KNL1: variants seen among roughly 807,000 people sequenced by gnomAD.
KNL1 encodes the protein kinetochore scaffold 1, also known as outer kinetochore KNL1 complex subunit KNL1.
A neutral mutation model predicts 201.3 loss-of-function variants in KNL1; 66 were observed. That is an observed-to-expected ratio of 0.33 (90% CI 0.27 to 0.40). KNL1 has a LOEUF of 0.40. KNL1 is among the 10% of genes least tolerant of loss of function. KNL1 has a pLI of 1.00. For synonymous variants in KNL1, 895 were observed against 899.2 expected, an observed-to-expected ratio of 1.00 and a Z score of 0.08; for missense variants, 2,815 against 2,690.5, an observed-to-expected ratio of 1.05 and a Z score of -1.02.
At chr15:40,657,957 T>C (rs62019916) in intron 24 of KNL1, among the ~76,000 whole-genome samples, 58,917 of 151,824 alleles carry the variant, frequency 0.39, 11,627 homozygotes, top group Middle Eastern at 0.47. Flanking sequence ...TATATATATA[T>C]AGTAAGTTCT....
chr15:40,646,874 A>C, intron 16 of KNL1, 113 bp from the exon 17 acceptor site: 1 of 493,128 alleles, frequency 2.0e-6, no homozygotes, highest in South Asian at 2.6e-5. Flanking sequence ...AAAAAAAAAA[A>C]AAAAGATTTG....
At chr15:40,603,603 A>G (rs1317659403) in intron 2 of KNL1, among the ~76,000 whole-genome samples, 1 of 152,180 alleles carries the variant, frequency 6.6e-6, no homozygotes, top group Non-Finnish European at 1.5e-5. Context: ...CCCCATCTCT[A>G]CAAAAAATAA....
At chr15:40,616,085 A>G (rs1218330006) in intron 8 of KNL1, among the ~76,000 whole-genome samples, 1 of 141,756 alleles carries the variant, frequency 7.1e-6, no homozygotes, top group Non-Finnish European at 1.5e-5. Context: ...TTCTTTACAC[A>G]TTGTCTTCAA....
intron 1 of KNL1, among the ~76,000 whole-genome samples, chr15:40,600,229 CCAT>C (rs1373028036): frequency 6.6e-6 from 1 of 152,086 alleles, no homozygotes; most frequent in African/African-American, 2.4e-5. Context: ...GCACCCACCA[CCAT>C]GTCGACTAGT....
chr15:40,624,652 A>G lies in KNL1; in HGVS notation c.4388A>G (p.Glu1463Gly). 6.2e-7 allele frequency: 1 copy of G among 1,613,862 alleles called. No individual in the cohort carries two copies. Among genetic ancestry groups the G allele is most frequent in the Non-Finnish European group, 8.5e-7 (1 of 1,179,816 alleles). The change falls in exon 10 of 26, where the codon GAA becomes GGA. Residue 1463 changes from glutamate (E) to glycine (G), a missense_variant. By Grantham distance (98) the Glu-to-Gly change is moderately conservative. This residue lies in a region of KNL1 where 2,464 missense variants were observed against 2,291.7 expected (regional missense o/e 1.08). Transcript: ENST00000399668. ...AAAGGACAGAGTAGTATCAATAAAGAAGAAGTAATACTGTCTAAAGCTGGA... is the reference window on the plus strand; with the variant it reads ...AAAGGACAGAGTAGTATCAATAAAGGAGAAGTAATACTGTCTAAAGCTGGA... ...PKKGQSSINK[E>G]EVILSKAGNK...
chr15:40,653,533 T>C (rs1893633263), intron 21 of KNL1, among the ~76,000 whole-genome samples: 1 of 152,210 alleles, frequency 6.6e-6, no homozygotes. Context: ...GTTTTTCATC[T>C]GTTCTGTCAA....
Position 40,633,262 on chromosome 15 carries a change from G to A in KNL1, c.5682+3891G>A, listed in dbSNP as rs111784970. Reference sequence around the variant, plus strand: ...GGAGGCGGAGGCTGCAGTGAGCTGAGGTCACGCCACTGCGCTCCAGCCTGG... The same window carrying A: ...GGAGGCGGAGGCTGCAGTGAGCTGAAGTCACGCCACTGCGCTCCAGCCTGG... On this transcript the variant is annotated intron_variant, in intron 13 of 25. Transcript: ENST00000399668. Among the ~76,000 whole-genome samples, 1,056 of 149,852 alleles carry A rather than the reference G, an allele frequency of 7.0e-3. 7 individuals are homozygous for A. Among genetic ancestry groups the A allele is most frequent in the African/African-American group, 0.025 (1,010 of 40,662 alleles).
At chr15:40,612,502 G>GT (rs920309619) in intron 7 of KNL1, among the ~76,000 whole-genome samples, 14 of 151,524 alleles carry the variant, frequency 9.2e-5, no homozygotes, top group African/African-American at 3.4e-4. Context: ...CAAAAAAGAG[G>GT]TTTTTTTGCT....
chr15:40,641,114 G>T (rs905042461), intron 14 of KNL1, 87 bp downstream of exon 14: 3 of 854,362 alleles, frequency 3.5e-6, no homozygotes, highest in Non-Finnish European at 1.9e-6. Context: ...TTAGAATAAT[G>T]CTGGCATGGG....
At chr15:40,606,141 G>A (rs981574685) in intron 3 of KNL1, among the ~76,000 whole-genome samples, 6 of 152,202 alleles carry the variant, frequency 3.9e-5, no homozygotes, top group African/African-American at 1.4e-4. Flanking sequence ...TTACCCTAGA[G>A]TTGGTGTGGC....
chr15:40,653,744 CT>C (rs1893640140), intron 21 of KNL1, among the ~76,000 whole-genome samples: 3 of 152,158 alleles, frequency 2.0e-5, no homozygotes, highest in Admixed American at 2.0e-4. Flanking sequence ...CTCATACTAC[CT>C]TCCTACCTCT....
At chr15:40,601,228 A>G (rs1891782245) in intron 1 of KNL1, among the ~76,000 whole-genome samples, 1 of 152,140 alleles carries the variant, frequency 6.6e-6, no homozygotes, top group Non-Finnish European at 1.5e-5. Context: ...GCTCCTTACG[A>G]GAGTCTAATG....
intron 3 of KNL1, among the ~76,000 whole-genome samples, chr15:40,606,057 G>C (rs1329158484): frequency 2.0e-5 from 3 of 152,098 alleles, no homozygotes; most frequent in African/African-American, 4.8e-5. Context: ...TCCTGATATG[G>C]GTCAAGTCCT....
chr15:40,599,201 C>T (rs1348323252), intron 1 of KNL1, among the ~76,000 whole-genome samples: 1 of 150,700 alleles, frequency 6.6e-6, no homozygotes, highest in Non-Finnish European at 1.5e-5. Context: ...GCCTATAGTC[C>T]CAGCTACTAG....
At chr15:40,615,731 CTCCA>C (rs1892318248) in intron 8 of KNL1, 1 of 153,484 alleles carries the variant, frequency 6.5e-6, no homozygotes. Flanking sequence ...CGCCACTGCA[CTCCA>C]GCAATGGCTC....
In KNL1 at chr15:40,623,026, C is replaced by T. The variant is rs1040480705; in HGVS notation, c.2762C>T (p.Thr921Ile). The part of the protein sequence containing the change: ...QDDMEITRSH[T>I]TALECKTVSP... The stretch of plus-strand genomic sequence containing the variant: ...GACATGGAGATCACTAGAAGTCACA[C>T]AACTGCCTTAGAATGTAAAACTGTC... The change falls in exon 10 of 26, where the codon ACA (threonine) becomes ATA (isoleucine). Residue 921 changes from threonine (T) to isoleucine (I), a missense_variant. This residue lies in a region of KNL1 where 2,464 missense variants were observed against 2,291.7 expected (regional missense o/e 1.08). Coordinates refer to ENST00000399668, the MANE Select transcript of KNL1 (RefSeq NM_144508.5). 6.2e-7 allele frequency: 1 copy of T among 1,613,834 alleles called. No individual in the cohort carries two copies. Among genetic ancestry groups the T allele is most frequent in the African/African-American group, 1.3e-5 (1 of 74,912 alleles).
Position 40,645,438 on chromosome 15 carries a change from AAG to A in KNL1, c.5890-215_5890-214del, listed in dbSNP as rs531499177. Among the ~76,000 whole-genome samples, 50 of 152,350 alleles carry A rather than the reference AAG, an allele frequency of 3.3e-4. 1 individual carries two copies. In the South Asian group the frequency reaches 9.7e-3, roughly 30 times the overall value. On this transcript the variant is annotated intron_variant, in intron 15 of 25. Transcript: ENST00000399668. ...AATATATTAAAAAGTTTCATTAACT[AAG>A]AGCCTGTCATTTTCTAATTTATAAT... is the stretch of plus-strand genomic sequence containing the variant.
Position 40,621,380 on chromosome 15 carries a change from T to C in KNL1, c.1116T>C (p.Phe372=). Residue 372 remains phenylalanine (F), a synonymous_variant, in exon 10 of 26, where the codon TTT becomes TTC. Transcript: ENST00000399668. ...TTAAGAGTAAACAAAATACTGCTTT[T>C]CAAGACCTTTCCATAAACTCTGCAG... ...TVFKSKQNTA[F]QDLSINSADK... 1 of 1,611,546 alleles carries C rather than the reference T, an allele frequency of 6.2e-7. No individual in the cohort carries two copies. Among genetic ancestry groups the C allele is most frequent in the Non-Finnish European group, 8.5e-7 (1 of 1,178,614 alleles).
intron 4 of KNL1, among the ~76,000 whole-genome samples, chr15:40,606,926 AT>A (rs1466104367): frequency 1.3e-5 from 2 of 152,038 alleles, no homozygotes; most frequent in Non-Finnish European, 2.9e-5. Context: ...TGCCCGGCTA[AT>A]TTTTTATTTT....
Sources: allele counts gnomAD v4.1 joint callset (sites outside exome capture counted in the v4.1 genomes callset), GRCh38; gene constraint gnomAD v4.1.1; regional missense constraint gnomAD v4.1.1; transcripts MANE v1.5; gene names NCBI Gene and HGNC (gene_info 2026-07-23, HGNC 2026-07-21).